CBLN2: variants seen among roughly 807,000 people sequenced by gnomAD.
CBLN2 encodes cerebellin-2.
A neutral mutation model predicts 15.0 loss-of-function variants in CBLN2; 7 were observed. That is an observed-to-expected ratio of 0.47 (90% CI 0.27 to 0.88). The LOEUF (loss-of-function observed/expected upper bound fraction) is 0.88. Among genes scored for constraint, CBLN2 ranks in the 40% least tolerant of loss-of-function variants. The pLI, the probability that CBLN2 is intolerant of heterozygous loss-of-function variation, is 0.14. For missense variants in CBLN2, 242 were observed against 304.5 expected, an observed-to-expected ratio of 0.79 and a Z score of 1.53; for synonymous variants, 149 against 135.2, an observed-to-expected ratio of 1.10 and a Z score of -0.71.
At chr18:72,617,377 TG>T (rs1433649485) in intron 1 of CBLN2, among the ~76,000 whole-genome samples, 1 of 152,166 alleles carries the variant, frequency 6.6e-6, no homozygotes, top group Non-Finnish European at 1.5e-5. Flanking sequence ...AAAATGTAAA[TG>T]TGTATGCTAT....
In CBLN2 at chr18:72,544,331, G is replaced by A. The variant is rs958162987; in HGVS notation, c.-566C>T. The stretch of plus-strand genomic sequence containing the variant: ...CCCGGGTCTGTGTGTCTGCTCCTCT[G>A]GACCTCGGACTGGTGGAGCGGCTGG... On this transcript the variant is annotated 5_prime_UTR_variant, in exon 1 of 5. Transcript: ENST00000269503. The A allele has an allele frequency of 2.6e-5, 4 of 152,246 alleles. No homozygotes were observed. Among genetic ancestry groups the A allele is most frequent in the Admixed American group, 6.5e-5 (1 of 15,288 alleles). 9.4% of individuals were successfully genotyped at this position (152,246 alleles called of 1,614,324 possible).
chr18:72,625,269 A>G (rs945694098), intron 1 of CBLN2: 4 of 152,092 alleles, frequency 2.6e-5, no homozygotes, highest in African/African-American at 7.2e-5. Flanking sequence ...TGTGTATTTC[A>G]TGCTAAGTTT....
At chr18:72,554,848 A>T (rs2144885802) in intron 1 of CBLN2, among the ~76,000 whole-genome samples, 2 of 152,242 alleles carry the variant, frequency 1.3e-5, no homozygotes, top group Middle Eastern at 3.4e-3. Flanking sequence ...AAGAAAAAAA[A>T]TTAGTGGCCT....
chr18:72,565,902 T>C (rs1432663160), intron 1 of CBLN2, among the ~76,000 whole-genome samples: 2 of 152,152 alleles, frequency 1.3e-5, no homozygotes, highest in African/African-American at 4.8e-5. Flanking sequence ...AGAATATATT[T>C]ACAAACTATA....
intron 1 of CBLN2, among the ~76,000 whole-genome samples, chr18:72,606,973 C>A (rs1202123744): frequency 1.3e-5 from 2 of 152,142 alleles, no homozygotes; most frequent in African/African-American, 2.4e-5. Context: ...AGTCCTAATC[C>A]CCAGAACCTT....
chr18:72,627,314 C>T (rs1048523353), intron 1 of CBLN2, among the ~76,000 whole-genome samples: 4 of 152,130 alleles, frequency 2.6e-5, no homozygotes, highest in South Asian at 4.2e-4. Flanking sequence ...ATATGTTATT[C>T]GAGGAGTTTC....
At chr18:72,604,300 C>T (rs1216820741) in intron 1 of CBLN2, among the ~76,000 whole-genome samples, 2 of 152,102 alleles carry the variant, frequency 1.3e-5, no homozygotes, top group African/African-American at 2.4e-5. Flanking sequence ...GCTCAAAGGC[C>T]TTTCATAATT....
rs146492456 is a variant in CBLN2, at chr18:72,608,936, A to G, written c.15+29389T>C. On this transcript the variant is annotated intron_variant, in intron 1 of 2. Transcript: ENST00000581073. The stretch of plus-strand genomic sequence containing the variant: ...CAGGGGAACTCCCATTTATAAAACC[A>G]TCAGATGTCATGAGACTTATTCACT... 2.7e-3 allele frequency among the ~76,000 whole-genome samples: 410 copies of G among 152,292 alleles called. 1 individual carries two copies. Among genetic ancestry groups the G allele is most frequent in the Admixed American group, 6.2e-3 (95 of 15,298 alleles).
chr18:72,560,276 C>A (rs981217011), intron 1 of CBLN2, among the ~76,000 whole-genome samples: 1 of 152,128 alleles, frequency 6.6e-6, no homozygotes, highest in African/African-American at 2.4e-5. Context: ...CATCTGTGCA[C>A]GTAGGAAAAT....
chr18:72,572,616 A>T (rs2069339408), intron 1 of CBLN2, among the ~76,000 whole-genome samples: 1 of 152,054 alleles, frequency 6.6e-6, no homozygotes, highest in African/African-American at 2.4e-5. Context: ...ATTGGGTCTC[A>T]CTATATTGCC....
chr18:72,591,148 C>T lies in CBLN2; in HGVS notation c.15+47177G>A, dbSNP rs546543971. ...GGAAAAAGGGATTAAAATCAGTTTT[C>T]ATCATGTAATTGTTACAGTGACTAC... On this transcript the variant is annotated intron_variant, in intron 1 of 2. Transcript: ENST00000581073. Among the ~76,000 whole-genome samples the T allele has an allele frequency of 1.1e-4, 17 of 152,240 alleles. No individual in the cohort carries two copies. The South Asian group carries it at 3.3e-3, about 30-fold the overall frequency.
intron 1 of CBLN2, among the ~76,000 whole-genome samples, chr18:72,629,509 A>AAAG (rs1378309928): frequency 6.6e-6 from 1 of 152,146 alleles, no homozygotes; most frequent in Non-Finnish European, 1.5e-5. Context: ...TTCTAGGTAG[A>AAAG]AAGAAGAAGA....
chr18:72,543,650 T>C lies in CBLN2; in HGVS notation c.-211-120A>G, dbSNP rs533717701. 2.9e-4 allele frequency: 111 copies of C among 377,038 alleles called. 1 individual carries two copies. Among genetic ancestry groups the C allele is most frequent in the African/African-American group, 2.3e-3 (108 of 47,940 alleles). The allele number at this position is 377,038 out of a possible 1,614,324, so 23.4% of individuals were successfully genotyped here. A position where few individuals can be genotyped will look rare whatever the true frequency, so the allele number is the denominator to read the frequency against. On this transcript the variant is annotated intron_variant, in intron 1 of 4. Coordinates refer to ENST00000269503, the MANE Select transcript of CBLN2 (RefSeq NM_182511.4). The surrounding 1 kb of genome is among the most constrained non-coding windows in gnomAD (Gnocchi z 6.8). The stretch of plus-strand genomic sequence containing the variant: ...GCCCTGCCGCTTTCCCGCGCCAGCC[T>C]GCGCCGCTTCAGGGGTGCACCACGC...
At chr18:72,567,201 A>C (rs2069300761) in intron 1 of CBLN2, among the ~76,000 whole-genome samples, 1 of 152,234 alleles carries the variant, frequency 6.6e-6, no homozygotes. Context: ...CATGCATTGA[A>C]ACATCATACC....
chr18:72,555,689 T>C (rs952380527), intron 1 of CBLN2, among the ~76,000 whole-genome samples: 5 of 152,168 alleles, frequency 3.3e-5, no homozygotes, highest in African/African-American at 1.2e-4. Context: ...AAATTCCTTC[T>C]CTCTACAGAA....
At chr18:72,612,495 C>T (rs1219230319) in intron 1 of CBLN2, among the ~76,000 whole-genome samples, 1 of 145,440 alleles carries the variant, frequency 6.9e-6, no homozygotes, top group Non-Finnish European at 1.5e-5. Context: ...AGAATGGCCC[C>T]CTTACCTCCC....
chr18:72,545,807 A>G (rs1598991378), upstream of CBLN2, among the ~76,000 whole-genome samples: 1 of 152,228 alleles, frequency 6.6e-6, no homozygotes, highest in East Asian at 1.9e-4. Flanking sequence ...CTTAAATAGC[A>G]ACTCTACTCA....
chr18:72,585,152 C>T (rs998253340), intron 1 of CBLN2, among the ~76,000 whole-genome samples: 1 of 152,224 alleles, frequency 6.6e-6, no homozygotes. Context: ...TCACAGAGCT[C>T]CTAGATTTGG....
intron 1 of CBLN2, among the ~76,000 whole-genome samples, chr18:72,606,894 G>A (rs1050981404): frequency 1.3e-5 from 2 of 152,318 alleles, no homozygotes; most frequent in Middle Eastern, 3.4e-3. Flanking sequence ...CATGGATTGC[G>A]CTCTTTCATG....
Sources: gnomAD v4.1 joint callset for allele counts (sites outside exome capture counted in the v4.1 genomes callset) on GRCh38, gnomAD v4.1.1 for gene constraint, Gnocchi (gnomAD v3.1) non-coding constraint, MANE v1.5 for transcripts, NCBI Gene and HGNC (gene_info 2026-07-23, HGNC 2026-07-21) for gene names.